Variants in OSBPL5 observed in about 807,000 individuals in gnomAD.
OSBPL5 encodes the protein oxysterol-binding protein-related protein 5.
A neutral mutation model predicts 111.2 loss-of-function variants in OSBPL5; 71 were observed. That is an observed-to-expected ratio of 0.64 (90% confidence interval 0.53 to 0.78). The LOEUF is 0.78. Among genes scored for constraint, OSBPL5 ranks in the 30% least tolerant of loss-of-function variants. OSBPL5 has a pLI of 0.00. For missense variants in OSBPL5, 1,210 were observed against 1,189.3 expected (o/e 1.02, Z -0.26); for synonymous variants, 549 against 513.9 (o/e 1.07, Z -0.93).
In OSBPL5 at chr11:3,161,025, C is replaced by T. The variant is rs1180797155; in HGVS notation, c.-22+4191G>A. 1 of 152,228 alleles carries T rather than the reference C, an allele frequency of 6.6e-6. No individual in the cohort carries two copies. Among genetic ancestry groups the T allele is most frequent in the Non-Finnish European group, 1.5e-5 (1 of 68,052 alleles). The allele number at this position is 152,228 out of a possible 1,614,324, so 9.4% of individuals were successfully genotyped here. A position where few individuals can be genotyped will look rare whatever the true frequency, so the allele number is the denominator to read the frequency against. ...GCTTACTGAAGGTTTGCCATCTCCC[C>T]TGGCCTTGGATGAAGGGAAGGCGAC... On this transcript the variant is annotated intron_variant, in intron 1 of 21. Coordinates refer to ENST00000263650, the MANE Select transcript of OSBPL5 (RefSeq NM_020896.4). The surrounding 1 kb of genome is among the most constrained non-coding windows in gnomAD (Gnocchi z 8.0).
At position 3,088,263 on chromosome 11, in the gene OSBPL5, C is replaced by A. The variant is rs767817544; in HGVS notation, c.2582G>T (p.Trp861Leu). 1.9e-6 allele frequency: 3 copies of A among 1,608,608 alleles called. No homozygotes were observed. Among genetic ancestry groups the A allele is most frequent in the Non-Finnish European group, 2.5e-6 (3 of 1,177,550 alleles). Residue 861 changes from tryptophan to leucine, a missense_variant, in exon 22 of 22, where the codon TGG becomes TTG. Trp to Leu is a moderately conservative substitution (Grantham distance 61). Transcript: ENST00000263650. The stretch of plus-strand genomic sequence containing the variant: ...CGCCAGGAACACGCAGAGCAGGAAC[C>A]AGGATCGGGGGCTCTGCAGGAGGCC... ...TPGLLQSPRSWFLLCVFLACQ... is the reference protein window; with the variant it reads ...TPGLLQSPRSLFLLCVFLACQ...
chr11:3,131,627 TC>T (rs570909926), intron 1 of OSBPL5, among the ~76,000 whole-genome samples: 20 of 99,776 alleles, frequency 2.0e-4, no homozygotes, highest in Admixed American at 6.6e-4. Context: ...ATCTGTCTAT[TC>T]ATCCACCCGT....
At chr11:3,103,776 C>T (rs1310549664) in intron 10 of OSBPL5, among the ~76,000 whole-genome samples, 44 of 83,040 alleles carry the variant, frequency 5.3e-4, no homozygotes, top group South Asian at 2.0e-3. Flanking sequence ...CCCCTTCCAG[C>T]CTCTGCAGTC....
rs11025607 is a variant in OSBPL5 at position 3,146,288 on chromosome 11, A to G, written c.-21-17119T>C. On this transcript the variant is annotated intron_variant, in intron 1 of 21. Coordinates refer to ENST00000263650, the MANE Select transcript of OSBPL5 (RefSeq NM_020896.4). The surrounding 1 kb of genome is among the most constrained non-coding windows in gnomAD (Gnocchi z 7.8). ...GGGAAGTCTGTTCTTTCCTGCGGGA[A>G]ACCCCCAGGGCGTGTGGGACTCTTT... is the stretch of plus-strand genomic sequence containing the variant. 20,441 of 152,036 alleles carry G rather than the reference A, an allele frequency of 0.13. 1,425 individuals are homozygous for G. Among genetic ancestry groups the G allele is most frequent in the South Asian group, 0.2 (982 of 4,806 alleles). The allele number at this position is 152,036 out of a possible 1,614,324, so 9.4% of individuals were successfully genotyped here. A position where few individuals can be genotyped will look rare whatever the true frequency, so the allele number is the denominator to read the frequency against.
chr11:3,103,168 C>A, intron 11 of OSBPL5, 71 bp downstream of exon 11: 2 of 1,402,084 alleles, frequency 1.4e-6, no homozygotes, highest in Non-Finnish European at 1.9e-6. Context: ...CAGGGAAGTG[C>A]CAAGGGACGA....
At chr11:3,094,363 G>A (rs1857175499) in intron 14 of OSBPL5, 29 bp from the exon 15 acceptor site, 2 of 1,584,770 alleles carry the variant, frequency 1.3e-6, no homozygotes, top group East Asian at 4.5e-5. Context: ...CAGGGGCCAG[G>A]CGGCCCCAGC....
At chr11:3,097,791 G>A (rs973240126) in intron 14 of OSBPL5, among the ~76,000 whole-genome samples, 2 of 152,214 alleles carry the variant, frequency 1.3e-5, no homozygotes, top group Non-Finnish European at 2.9e-5. Flanking sequence ...GCAAGGCCGA[G>A]CGCACTGGCT....
chr11:3,098,808 A>ATTT (rs112915657), intron 14 of OSBPL5, among the ~76,000 whole-genome samples: 6 of 139,892 alleles, frequency 4.3e-5, no homozygotes, highest in African/African-American at 1.6e-4. Flanking sequence ...CCCAGCAAAG[A>ATTT]TTTTTTTTTT....
rs1590631287 is a variant in OSBPL5, at chr11:3,092,986, A to G, written c.2013T>C (p.Phe671=). 6.2e-7 allele frequency: 1 copy of G among 1,605,788 alleles called. No homozygotes were observed. Among genetic ancestry groups the G allele is most frequent in the Non-Finnish European group, 8.5e-7 (1 of 1,177,648 alleles). The change falls in exon 18 of 22, where the codon TTT becomes TTC. Residue 671 remains phenylalanine, a synonymous_variant. Transcript: ENST00000263650. This position sits in a 1 kb window ranked among gnomAD's most constrained non-coding sequence, Gnocchi z 5.4. ...GCTGCCGCTGTGCCTCCTCCAGTGCAAACTTCTCCTGTGTGGCCCTGTGCT... is the reference window on the plus strand; with the variant it reads ...GCTGCCGCTGTGCCTCCTCCAGTGCGAACTTCTCCTGTGTGGCCCTGTGCT... ...GDQHRATQEK[F]ALEEAQRQRA...
At chr11:3,103,788 C>CATTCCTGCCTCTGCAGCCCCA (rs199671886) in intron 10 of OSBPL5, among the ~76,000 whole-genome samples, 2 of 61,282 alleles carry the variant, frequency 3.3e-5, no homozygotes, top group African/African-American at 5.0e-5. Context: ...TCTGCAGTCC[C>CATTCCTGCCTCTGCAGCCCCA]TTCCTGCCTC....
intron 19 of OSBPL5, among the ~76,000 whole-genome samples, chr11:3,091,857 G>A (rs1204803266): frequency 6.6e-6 from 1 of 152,164 alleles, no homozygotes; most frequent in Non-Finnish European, 1.5e-5. Context: ...CTGCGGGTGA[G>A]CACCGGCCGC....
Position 3,107,599 on chromosome 11 carries a change from C to T in OSBPL5, c.867-144G>A, listed in dbSNP as rs1857751552. 7.4e-7 allele frequency: 1 copy of T among 1,354,808 alleles called. No homozygotes were observed. 83.9% of individuals were successfully genotyped at this position (1,354,808 alleles called of 1,614,324 possible). On this transcript the variant is annotated intron_variant, in intron 8 of 21. Coordinates refer to ENST00000263650, the MANE Select transcript of OSBPL5 (RefSeq NM_020896.4). This position sits in a 1 kb window ranked among gnomAD's most constrained non-coding sequence, Gnocchi z 6.1. Reference sequence around the variant, plus strand: ...CACAACCCACATTTGACACGATCAGCCCCGTTTTAGAGGAAGGAACCGAGG... The same window carrying T: ...CACAACCCACATTTGACACGATCAGTCCCGTTTTAGAGGAAGGAACCGAGG...
Position 3,129,116 on chromosome 11 carries a change from G to A in OSBPL5, c.33C>T (p.Phe11=), listed in dbSNP as rs1858738085. Residue 11 remains phenylalanine (F), a synonymous_variant, in exon 2 of 22, where the codon TTC becomes TTT. Transcript: ENST00000263650. MKEEAFLRRR[F]SLCPPSSTPQ... ...GGGTGGAGGAAGGTGGACACAGGGA[G>A]AAGCGGCGCCGGAGGAAGGCCTCCT... 2.0e-6 allele frequency: 3 copies of A among 1,509,818 alleles called. No individual in the cohort carries two copies. The highest frequency in any genetic ancestry group is 1.3e-5 in the South Asian group (1 of 79,184). 93.5% of individuals were successfully genotyped at this position (1,509,818 alleles called of 1,614,324 possible).
intron 21 of OSBPL5, among the ~76,000 whole-genome samples, chr11:3,088,608 T>A (rs1012835140): frequency 2.0e-5 from 3 of 152,046 alleles, no homozygotes; most frequent in Non-Finnish European, 4.4e-5. Flanking sequence ...GCCTTTTACA[T>A]CCTCCCTCCC....
intron 1 of OSBPL5, among the ~76,000 whole-genome samples, chr11:3,149,386 A>C (rs774930320): frequency 1.3e-5 from 2 of 152,196 alleles, no homozygotes; most frequent in African/African-American, 4.8e-5. Flanking sequence ...AAGATCTTGC[A>C]GTGTACTGGC....
intron 1 of OSBPL5, among the ~76,000 whole-genome samples, chr11:3,148,770 T>G (rs534255632): frequency 2.6e-5 from 4 of 152,298 alleles, no homozygotes; most frequent in Admixed American, 2.6e-4. Flanking sequence ...ATAGCAGCAT[T>G]GCATCTCCCA....
At chr11:3,111,884 G>C (rs1010539898) in intron 7 of OSBPL5, among the ~76,000 whole-genome samples, 2 of 152,172 alleles carry the variant, frequency 1.3e-5, no homozygotes, top group Admixed American at 6.5e-5. Context: ...TATGGAATGA[G>C]ATTTAAAAAG....
At chr11:3,091,915 C>T (rs1857069192) in intron 19 of OSBPL5, among the ~76,000 whole-genome samples, 1 of 152,134 alleles carries the variant, frequency 6.6e-6, no homozygotes, top group South Asian at 2.1e-4. Context: ...GGCGGTGCAG[C>T]TCAGCACACC....
chr11:3,101,817 A>G (rs67090912), intron 12 of OSBPL5, 118 bp from the exon 13 acceptor site: 113,273 of 834,236 alleles, frequency 0.14, 9,193 homozygotes, highest in African/African-American at 0.28. Flanking sequence ...TTCTCCCCCG[A>G]TCCCAGGATT....
Sources: allele counts gnomAD v4.1 joint callset (sites outside exome capture counted in the v4.1 genomes callset), GRCh38; gene constraint gnomAD v4.1.1; non-coding constraint Gnocchi (gnomAD v3.1); transcripts MANE v1.5; gene names NCBI Gene and HGNC (gene_info 2026-07-23, HGNC 2026-07-21).